Variants in WWOX observed in about 807,000 individuals in gnomAD.
WWOX encodes the protein WW domain containing oxidoreductase.
Under a neutral mutation model 46.2 loss-of-function variants are expected in WWOX, and 69 were observed. The observed-to-expected ratio is 1.49, with a 90% CI of 1.23 to 1.82. The LOEUF (loss-of-function observed/expected upper bound fraction) is 1.82. Among genes scored for constraint, WWOX ranks in the 40% most tolerant of loss-of-function variants. The pLI is 0.00. For synonymous variants in WWOX, 359 were observed against 202.6 expected (o/e 1.77, Z -6.56); for missense variants, 919 against 542.6 (o/e 1.69, Z -6.89).
chr16:78,427,834 C>G (rs138469298), intron 7 of WWOX, among the ~76,000 whole-genome samples: 48 of 152,140 alleles, frequency 3.2e-4, no homozygotes, highest in African/African-American at 9.9e-4. Flanking sequence ...GGCACAGTGT[C>G]TCACGCCTGT....
chr16:78,317,316 A>G (rs935004105), intron 5 of WWOX, among the ~76,000 whole-genome samples: 2 of 151,860 alleles, frequency 1.3e-5, no homozygotes, highest in African/African-American at 4.8e-5. Flanking sequence ...TGTCTCTCTC[A>G]CTCACATTTT....
chr16:78,299,912 A>G (rs1038975156), intron 5 of WWOX, among the ~76,000 whole-genome samples: 10 of 152,142 alleles, frequency 6.6e-5, no homozygotes, highest in African/African-American at 2.4e-4. Context: ...TGTTTCCACT[A>G]CTGTGTATTG....
intron 4 of WWOX, among the ~76,000 whole-genome samples, chr16:78,127,375 A>G (rs528934654): frequency 1.3e-5 from 2 of 152,220 alleles, no homozygotes; most frequent in Admixed American, 6.5e-5. Flanking sequence ...AGAGGCTGCC[A>G]TAATCTCTGT....
At chr16:78,230,694 G>C (rs1166961628) in intron 5 of WWOX, among the ~76,000 whole-genome samples, 1 of 152,194 alleles carries the variant, frequency 6.6e-6, no homozygotes. Context: ...CATGGTCTCA[G>C]ATCCACTTCT....
intron 5 of WWOX, among the ~76,000 whole-genome samples, chr16:78,384,868 G>T (rs1266586906): frequency 6.6e-6 from 1 of 152,076 alleles, no homozygotes; most frequent in Non-Finnish European, 1.5e-5. Context: ...AGGTGCGGTG[G>T]CTCACGCCTG....
At chr16:78,950,019 C>G (rs1454413453) in intron 8 of WWOX, among the ~76,000 whole-genome samples, 1 of 152,180 alleles carries the variant, frequency 6.6e-6, no homozygotes, top group Admixed American at 6.6e-5. Context: ...GGCTTGTAGA[C>G]TTTCCAAGGC....
At chr16:78,964,453 G>GA (rs368948489) in intron 8 of WWOX, among the ~76,000 whole-genome samples, 134 of 152,284 alleles carry the variant, frequency 8.8e-4, no homozygotes, top group African/African-American at 2.9e-3. Context: ...GTGGAACTTT[G>GA]AACTTGAGAA....
intron 8 of WWOX, among the ~76,000 whole-genome samples, chr16:79,036,426 A>G (rs148065737): frequency 2.4e-4 from 36 of 152,348 alleles, no homozygotes; most frequent in African/African-American, 7.9e-4. Context: ...GTTGACCTCC[A>G]TATAAGTATC....
At chr16:78,455,581 T>C (rs926253884) in intron 8 of WWOX, among the ~76,000 whole-genome samples, 1 of 133,312 alleles carries the variant, frequency 7.5e-6, no homozygotes, top group African/African-American at 3.0e-5. Flanking sequence ...AGTAGGAGGC[T>C]GCAGTAAGCT....
intron 8 of WWOX, among the ~76,000 whole-genome samples, chr16:78,935,479 A>G (rs2045716897): frequency 1.3e-5 from 2 of 152,086 alleles, no homozygotes; most frequent in South Asian, 4.2e-4. Context: ...GCTGGAAACC[A>G]TCATTCTCAG....
intron 8 of WWOX, among the ~76,000 whole-genome samples, chr16:78,976,622 C>G (rs1422440661): frequency 2.0e-5 from 3 of 152,182 alleles, no homozygotes; most frequent in Non-Finnish European, 4.4e-5. Context: ...CCTGAACATC[C>G]ACACCCGCGA....
chr16:78,700,414 T>C (rs966391016), intron 8 of WWOX, among the ~76,000 whole-genome samples: 3 of 151,896 alleles, frequency 2.0e-5, no homozygotes, highest in African/African-American at 7.3e-5. Context: ...TGTGACCTTA[T>C]TACTTCTGAG....
chr16:79,097,034 G>T (rs1276518538), intron 8 of WWOX, among the ~76,000 whole-genome samples: 2 of 152,084 alleles, frequency 1.3e-5, no homozygotes, highest in African/African-American at 4.8e-5. Flanking sequence ...GGCATAGAAG[G>T]ATCTCTTCAT....
intron 8 of WWOX, among the ~76,000 whole-genome samples, chr16:78,757,418 T>A (rs2049680770): frequency 6.6e-6 from 1 of 152,158 alleles, no homozygotes; most frequent in South Asian, 2.1e-4. Context: ...TGTCTGTTGC[T>A]TCTGTACCTC....
intron 8 of WWOX, among the ~76,000 whole-genome samples, chr16:79,133,946 G>C (rs143061286): frequency 6.6e-6 from 1 of 152,108 alleles, no homozygotes; most frequent in Non-Finnish European, 1.5e-5. Context: ...GTGAATTCAG[G>C]CAAGTCCTCA....
intron 8 of WWOX, among the ~76,000 whole-genome samples, chr16:78,775,937 T>A (rs2050180220): frequency 6.6e-6 from 1 of 152,310 alleles, no homozygotes; most frequent in South Asian, 2.1e-4. Flanking sequence ...TCAGTGGCCA[T>A]CACTACTCTA....
chr16:78,737,547 A>G (rs1341699622), intron 8 of WWOX, among the ~76,000 whole-genome samples: 2 of 152,102 alleles, frequency 1.3e-5, no homozygotes, highest in South Asian at 2.1e-4. Flanking sequence ...CGGGCAGTGT[A>G]TACTGTAGCC....
chr16:78,262,215 A>G (rs1358606869), intron 5 of WWOX, among the ~76,000 whole-genome samples: 1 of 151,962 alleles, frequency 6.6e-6, no homozygotes, highest in African/African-American at 2.4e-5. Flanking sequence ...TTTACTGCTA[A>G]TGGGGCATCT....
chr16:78,859,019 A>T (rs2052642936), intron 8 of WWOX, among the ~76,000 whole-genome samples: 5 of 36,082 alleles, frequency 1.4e-4, no homozygotes, highest in African/African-American at 3.7e-4. Flanking sequence ...AAAAAAAAAA[A>T]AAAAAAAAAT....
Sources: gnomAD v4.1 joint callset for allele counts (sites outside exome capture counted in the v4.1 genomes callset) on GRCh38, gnomAD v4.1.1 for gene constraint, MANE v1.5 for transcripts, NCBI Gene and HGNC (gene_info 2026-07-23, HGNC 2026-07-21) for gene names.